The following CADM1 variants were observed in gnomAD, a reference collection of about 807,000 sequenced individuals.
CADM1 encodes TSLC-1.
Under a neutral mutation model 53.1 loss-of-function variants are expected in CADM1, and 15 were observed. The observed-to-expected ratio is 0.28, with a 90% CI of 0.19 to 0.44. CADM1 has a LOEUF of 0.44. CADM1 is among the 20% of genes least tolerant of loss of function. CADM1 has a pLI of 1.00. For synonymous variants in CADM1, 281 were observed against 243.0 expected, an observed-to-expected ratio of 1.16 and a Z score of -1.45; for missense variants, 434 against 611.3, an observed-to-expected ratio of 0.71 and a Z score of 3.06.
chr11:115,341,978 A>G (rs1014243152), intron 1 of CADM1, among the ~76,000 whole-genome samples: 2 of 152,184 alleles, frequency 1.3e-5, no homozygotes, highest in Admixed American at 1.3e-4. Context: ...CTTGCTTATC[A>G]ACATAAATGC....
intron 1 of CADM1, among the ~76,000 whole-genome samples, chr11:115,255,726 C>A (rs112090234): frequency 6.6e-6 from 1 of 152,180 alleles, no homozygotes; most frequent in Non-Finnish European, 1.5e-5. Flanking sequence ...TGTTTAAAAA[C>A]AAATTTTTAA....
Position 115,178,715 on chromosome 11 carries a change from A to C in CADM1, c.1226T>G (p.Val409Gly), listed in dbSNP as rs1159476044. 1 of 1,613,888 alleles carries C rather than the reference A, an allele frequency of 6.2e-7. No individual in the cohort carries two copies. The highest frequency in any genetic ancestry group is 1.7e-5 in the Admixed American group (1 of 60,018). Residue 409 changes from valine to glycine, a missense_variant, in exon 11 of 12, where the codon GTC becomes GGC. Physicochemically the swap from Val to Gly is moderately radical, Grantham distance 109. This residue lies in a region of CADM1 where 311 missense variants were observed against 435.1 expected (regional missense o/e 0.71). Transcript: ENST00000331581. ...RAVDHAVIGG[V>G]VAVVVFAMLC... The stretch of plus-strand genomic sequence containing the variant: ...CATGGCGAACACCACCACCGCCACG[A>C]CGCCACCGATCACGGCATGATCCAC...
At chr11:115,328,715 T>TATATAC (rs1464724518) in intron 1 of CADM1, among the ~76,000 whole-genome samples, 31 of 54,796 alleles carry the variant, frequency 5.7e-4, no homozygotes, top group African/African-American at 1.8e-3. Flanking sequence ...TATATATATG[T>TATATAC]GTATATATAT....
intron 1 of CADM1, among the ~76,000 whole-genome samples, chr11:115,309,692 G>A (rs147255982): frequency 2.7e-4 from 41 of 152,228 alleles, no homozygotes; most frequent in African/African-American, 7.9e-4. Context: ...AGGGCCAGCC[G>A]TGAGATGTTA....
Position 115,171,448 on chromosome 11 carries a change from A to C in CADM1, c.*5026T>G, listed in dbSNP as rs1422630270. 1 of 152,200 alleles carries C rather than the reference A, an allele frequency of 6.6e-6. No individual in the cohort carries two copies. The highest frequency in any genetic ancestry group is 2.4e-5 in the African/African-American group (1 of 41,446). 9.4% of individuals were successfully genotyped at this position (152,200 alleles called of 1,614,324 possible). On this transcript the variant is annotated 3_prime_UTR_variant, in exon 12 of 12. Transcript: ENST00000331581. The stretch of plus-strand genomic sequence containing the variant: ...AAAGATTGCACCAATTAACACCCGC[A>C]TATCACCTCAGGGTTCCAGTTGATG...
intron 1 of CADM1, among the ~76,000 whole-genome samples, chr11:115,436,451 G>C (rs576478094): frequency 6.6e-6 from 1 of 152,008 alleles, no homozygotes; most frequent in African/African-American, 2.4e-5. Context: ...GTTTTGGGGG[G>C]ACCCACCTGG....
intron 1 of CADM1, among the ~76,000 whole-genome samples, chr11:115,487,614 C>T (rs1949405045): frequency 6.6e-6 from 1 of 152,116 alleles, no homozygotes; most frequent in African/African-American, 2.4e-5. Flanking sequence ...CTGATTCATG[C>T]TGTTGCATGA....
At chr11:115,182,972 C>T (rs2134604611) in intron 10 of CADM1, among the ~76,000 whole-genome samples, 2 of 152,300 alleles carry the variant, frequency 1.3e-5, no homozygotes, top group East Asian at 3.9e-4. Flanking sequence ...GCTTCAACAA[C>T]CCTGGGCTCG....
chr11:115,194,818 G>A (rs938447804), intron 9 of CADM1, among the ~76,000 whole-genome samples: 4 of 152,128 alleles, frequency 2.6e-5, no homozygotes, highest in African/African-American at 7.2e-5. Flanking sequence ...GGTGGGGAAG[G>A]GGAGAGGGGA....
rs1171355064 is a variant in CADM1 at position 115,295,520 on chromosome 11, AT to A, written c.125-55101del. On this transcript the variant is annotated intron_variant, in intron 1 of 11. Transcript: ENST00000331581. The stretch of plus-strand genomic sequence containing the variant: ...ATCAAGATATTTTATATATATATAT[AT>A]ATATATATATATATATATATATATA... 1.7e-3 allele frequency among the ~76,000 whole-genome samples: 122 copies of A among 71,034 alleles called. 4 individuals carry two copies. Among genetic ancestry groups the A allele is most frequent in the African/African-American group, 0.013 (119 of 8,920 alleles). The allele number at this position is 71,034 out of a possible 152,430, so 46.6% of individuals were successfully genotyped here.
intron 1 of CADM1, among the ~76,000 whole-genome samples, chr11:115,304,623 C>T (rs1163808620): frequency 6.6e-6 from 1 of 151,944 alleles, no homozygotes; most frequent in Non-Finnish European, 1.5e-5. Context: ...CATTTACTCC[C>T]TATGCATTTC....
intron 1 of CADM1, among the ~76,000 whole-genome samples, chr11:115,319,449 C>G (rs1262583894): frequency 6.6e-6 from 1 of 152,154 alleles, no homozygotes; most frequent in African/African-American, 2.4e-5. Context: ...GATTGCCCAT[C>G]TCTCCACTTC....
chr11:115,173,734 C>T lies in CADM1; in HGVS notation c.*2740G>A, dbSNP rs1938885249. 5.4e-6 allele frequency: 5 copies of T among 920,630 alleles called. No homozygotes were observed. Among genetic ancestry groups the T allele is most frequent in the Non-Finnish European group, 6.5e-6 (5 of 774,038 alleles). The allele number at this position is 920,630 out of a possible 1,614,324, so 57.0% of individuals were successfully genotyped here. On this transcript the variant is annotated 3_prime_UTR_variant, in exon 12 of 12. Transcript: ENST00000331581. Reference sequence around the variant, plus strand: ...GGTATACATGAACCAATACAAAATGCGAATGGGAACATATGGATATGGAGT... The same window carrying T: ...GGTATACATGAACCAATACAAAATGTGAATGGGAACATATGGATATGGAGT...
At position 115,328,702 on chromosome 11, in the gene CADM1, GTATATATATATGTGTA is replaced by G. The variant is rs1565367966; in HGVS notation, c.125-88298_125-88283del. ...TGTGTATATATATGTGTATATATAT[GTATATATATATGTGTA>G]TATATATGTATATACATATATATAT... On this transcript the variant is annotated intron_variant, in intron 1 of 11. Coordinates refer to ENST00000331581, the MANE Select transcript of CADM1 (RefSeq NM_001301043.2). Among the ~76,000 whole-genome samples, 7 of 10,126 alleles carry G rather than the reference GTATATATATATGTGTA, an allele frequency of 6.9e-4. 1 individual carries two copies. The East Asian group carries it at 0.094, about 136-fold the overall frequency. The allele number at this position is 10,126 out of a possible 152,430, so 6.6% of individuals were successfully genotyped here. A position where few individuals can be genotyped will look rare whatever the true frequency, so the allele number is the denominator to read the frequency against.
intron 1 of CADM1, among the ~76,000 whole-genome samples, chr11:115,427,928 C>T (rs903357833): frequency 1.5e-4 from 22 of 147,054 alleles, no homozygotes; most frequent in Non-Finnish European, 2.8e-4. Flanking sequence ...AATCCTTAAG[C>T]CCATGAGGCG....
Position 115,174,319 on chromosome 11 carries a change from TG to T in CADM1, c.*2154del, listed in dbSNP as rs1938920501. ...TTTCTTTTTTTCTAAAAAGAACAAC[TG>T]AAAAAAAACCTTTCAACAACATGCT... On this transcript the variant is annotated 3_prime_UTR_variant, in exon 12 of 12. Transcript: ENST00000331581. 1 of 984,700 alleles carries T rather than the reference TG, an allele frequency of 1.0e-6. No homozygotes were observed. The highest frequency in any genetic ancestry group is 6.2e-5 in the Admixed American group (1 of 16,246). The allele number at this position is 984,700 out of a possible 1,614,324, so 61.0% of individuals were successfully genotyped here.
chr11:115,472,793 C>T (rs1949044386), intron 1 of CADM1, among the ~76,000 whole-genome samples: 1 of 152,074 alleles, frequency 6.6e-6, no homozygotes, highest in African/African-American at 2.4e-5. Context: ...AAATGATATA[C>T]AGCTACCTTG....
intron 1 of CADM1, among the ~76,000 whole-genome samples, chr11:115,319,240 G>T (rs12577709): frequency 0.16 from 24,579 of 152,030 alleles, 2,298 homozygotes; most frequent in East Asian, 0.36. Flanking sequence ...GAAGTGTTGC[G>T]TGGGTTGGAA....
intron 1 of CADM1, among the ~76,000 whole-genome samples, chr11:115,488,710 G>A (rs1328436050): frequency 6.6e-6 from 1 of 152,196 alleles, no homozygotes; most frequent in Non-Finnish European, 1.5e-5. Context: ...AGCTAGATCA[G>A]TTGTAGGCAA....
Sources: allele counts gnomAD v4.1 joint callset (sites outside exome capture counted in the v4.1 genomes callset), GRCh38; gene constraint gnomAD v4.1.1; regional missense constraint gnomAD v4.1.1; transcripts MANE v1.5; gene names NCBI Gene and HGNC (gene_info 2026-07-23, HGNC 2026-07-21).